MAP4K3: variants seen among roughly 807,000 people sequenced by gnomAD.
The protein encoded by MAP4K3 is mitogen-activated protein kinase kinase kinase kinase 3.
A neutral mutation model predicts 143.5 loss-of-function variants in MAP4K3; 94 were observed. The ratio of observed to expected loss-of-function variants is 0.65; its 90% confidence interval spans 0.55 to 0.78. MAP4K3 has a LOEUF of 0.78. Ranked by LOEUF, MAP4K3 falls within the 30% of genes least tolerant of loss-of-function variation. The pLI is 0.00. For missense variants in MAP4K3, 1,077 were observed against 1,068.1 expected, an observed-to-expected ratio of 1.01 and a Z score of -0.12; for synonymous variants, 416 against 347.2, an observed-to-expected ratio of 1.20 and a Z score of -2.20.
chr2:39,356,410 A>G (rs1220328560), intron 2 of MAP4K3, 71 bp from the exon 3 acceptor site: 5 of 817,380 alleles, frequency 6.1e-6, no homozygotes, highest in Admixed American at 2.2e-5. Flanking sequence ...TCAAAACACA[A>G]TAAAATAATT....
chr2:39,288,140 T>C lies in MAP4K3; in HGVS notation c.1455A>G (p.Pro485=). 1 of 1,614,046 alleles carries C rather than the reference T, an allele frequency of 6.2e-7. No individual in the cohort carries two copies. Among genetic ancestry groups the C allele is most frequent in the African/African-American group, 1.3e-5 (1 of 75,014 alleles). ...PPRPPPPRLP[P]HKPVALGNGM... is the part of the protein sequence containing the mutation. ...CATTACCTAAGGCAACAGGTTTGTG[T>C]GGGGGTAATCTGGGAGGTGGTGGTC... Residue 485 remains proline (P), a synonymous_variant, in exon 20 of 34, where the codon CCA becomes CCG. Coordinates refer to ENST00000263881, the MANE Select transcript of MAP4K3 (RefSeq NM_003618.4).
chr2:39,390,314 C>G (rs768334215), intron 1 of MAP4K3, among the ~76,000 whole-genome samples: 10 of 152,160 alleles, frequency 6.6e-5, no homozygotes, highest in Non-Finnish European at 1.3e-4. Flanking sequence ...ATACGGTATA[C>G]ACCTACCAAA....
chr2:39,261,632 A>G (rs549776060), intron 28 of MAP4K3, among the ~76,000 whole-genome samples: 1 of 152,326 alleles, frequency 6.6e-6, no homozygotes, highest in East Asian at 1.9e-4. Context: ...ACTCCTAGGT[A>G]TACATTCTAA....
chr2:39,353,598 G>A (rs537854595), intron 3 of MAP4K3, among the ~76,000 whole-genome samples: 3 of 152,090 alleles, frequency 2.0e-5, no homozygotes, highest in African/African-American at 7.2e-5. Flanking sequence ...AAAAAACTTA[G>A]ATGTTAAATT....
chr2:39,313,802 C>G (rs1221854817), intron 13 of MAP4K3, among the ~76,000 whole-genome samples: 3 of 151,678 alleles, frequency 2.0e-5, no homozygotes, highest in Non-Finnish European at 2.9e-5. Flanking sequence ...GTGTGAGTCA[C>G]TGTGCCCAGC....
intron 21 of MAP4K3, among the ~76,000 whole-genome samples, chr2:39,282,952 G>A (rs563992563): frequency 1.3e-5 from 2 of 152,210 alleles, no homozygotes; most frequent in African/African-American, 2.4e-5. Flanking sequence ...AATCCATATC[G>A]GTCATGTAGA....
At chr2:39,368,227 T>A (rs1057344351) in intron 2 of MAP4K3, among the ~76,000 whole-genome samples, 1 of 152,150 alleles carries the variant, frequency 6.6e-6, no homozygotes. Context: ...GTAAGTATTA[T>A]AGTAGACTCA....
intron 15 of MAP4K3, chr2:39,303,169 A>T (rs1314302203): frequency 6.0e-6 from 1 of 167,100 alleles, no homozygotes; most frequent in Non-Finnish European, 1.5e-5. Flanking sequence ...TTGACCAAGA[A>T]AGAGAACAGG....
At chr2:39,332,778 T>C (rs1231067507) in intron 7 of MAP4K3, among the ~76,000 whole-genome samples, 1 of 152,070 alleles carries the variant, frequency 6.6e-6, no homozygotes, top group Non-Finnish European at 1.5e-5. Context: ...ATTTTTATTA[T>C]ATGTTAATTT....
intron 13 of MAP4K3, 99 bp downstream of exon 13, chr2:39,315,211 G>T: frequency 1.3e-6 from 1 of 751,514 alleles, no homozygotes; most frequent in Non-Finnish European, 2.0e-6. Context: ...TGTTTAGTAA[G>T]AAAAACTATT....
chr2:39,264,280 CCT>C (rs1680684877), intron 28 of MAP4K3, among the ~76,000 whole-genome samples: 2 of 152,144 alleles, frequency 1.3e-5, no homozygotes, highest in South Asian at 4.1e-4. Context: ...GCTATTTTCC[CCT>C]GAGCTTTCAG....
In MAP4K3 at chr2:39,437,250, G is replaced by C. The variant is rs1401718601; in HGVS notation, c.-263C>G. The C allele has an allele frequency of 3.6e-6, 1 of 275,504 alleles. No homozygotes were observed. Among genetic ancestry groups the C allele is most frequent in the Non-Finnish European group, 6.8e-6 (1 of 148,004 alleles). The allele number at this position is 275,504 out of a possible 1,614,324, so 17.1% of individuals were successfully genotyped here. A position where few individuals can be genotyped will look rare whatever the true frequency, so the allele number is the denominator to read the frequency against. On this transcript the variant is annotated 5_prime_UTR_variant, in exon 1 of 34. Coordinates refer to ENST00000263881, the MANE Select transcript of MAP4K3 (RefSeq NM_003618.4). The stretch of plus-strand genomic sequence containing the variant: ...CCACAAGGAGAGGAGAACCCTCGCA[G>C]CCCCTCGCTCGGGGTGAAACTCCAA...
intron 1 of MAP4K3, among the ~76,000 whole-genome samples, chr2:39,407,352 GA>G (rs112820457): frequency 0.015 from 2,000 of 132,134 alleles, 13 homozygotes; most frequent in Non-Finnish European, 0.017. Flanking sequence ...CAACTTAAAG[GA>G]AAAAAAAAAA....
intron 1 of MAP4K3, among the ~76,000 whole-genome samples, chr2:39,391,755 T>C (rs1666666868): frequency 6.6e-6 from 1 of 152,154 alleles, no homozygotes; most frequent in Non-Finnish European, 1.5e-5. Context: ...CATTGATTTC[T>C]AACATTTTCG....
At chr2:39,263,380 C>T (rs1288299917) in intron 28 of MAP4K3, among the ~76,000 whole-genome samples, 5 of 148,616 alleles carry the variant, frequency 3.4e-5, no homozygotes, top group Non-Finnish European at 5.9e-5. Context: ...TCAGGCCATT[C>T]TCCTGCCTCA....
chr2:39,352,665 T>C (rs1665493745), intron 3 of MAP4K3, among the ~76,000 whole-genome samples: 1 of 152,202 alleles, frequency 6.6e-6, no homozygotes, highest in Non-Finnish European at 1.5e-5. Context: ...GGAAAGGTCT[T>C]GTTAAGAAGA....
At chr2:39,381,227 G>C (rs1666349064) in intron 1 of MAP4K3, among the ~76,000 whole-genome samples, 1 of 152,136 alleles carries the variant, frequency 6.6e-6, no homozygotes, top group Non-Finnish European at 1.5e-5. Flanking sequence ...ATGAATAATG[G>C]TGCTATAAAC....
intron 15 of MAP4K3, among the ~76,000 whole-genome samples, chr2:39,303,792 C>T (rs555883713): frequency 6.6e-6 from 1 of 152,314 alleles, no homozygotes; most frequent in South Asian, 2.1e-4. Flanking sequence ...CCGCCTTGGC[C>T]TCCGAAAGTG....
chr2:39,277,655 C>T (rs1558617007), intron 24 of MAP4K3, among the ~76,000 whole-genome samples: 2 of 152,008 alleles, frequency 1.3e-5, no homozygotes, highest in Admixed American at 6.5e-5. Context: ...ACCTCCTCCT[C>T]CCGGGTTCAA....
Sources: allele counts gnomAD v4.1 joint callset (sites outside exome capture counted in the v4.1 genomes callset), GRCh38; gene constraint gnomAD v4.1.1; transcripts MANE v1.5; gene names NCBI Gene and HGNC (gene_info 2026-07-23, HGNC 2026-07-21).